The following KIAA0753 variants were observed in gnomAD, a reference collection of about 807,000 sequenced individuals.
The protein encoded by KIAA0753 is protein moonraker.
A neutral mutation model predicts 116.9 loss-of-function variants in KIAA0753; 114 were observed. The observed-to-expected ratio is 0.98, with a 90% CI of 0.84 to 1.14. The LOEUF is 1.14. Ranked by LOEUF, KIAA0753 falls within the 50% of genes most tolerant of loss-of-function variation. The pLI is 0.00. For missense variants in KIAA0753, 1,156 were observed against 1,172.4 expected (o/e 0.99, Z 0.20); for synonymous variants, 405 against 413.1 (o/e 0.98, Z 0.24).
intron 12 of KIAA0753, among the ~76,000 whole-genome samples, chr17:6,604,327 G>A (rs1376958849): frequency 4.0e-5 from 6 of 151,006 alleles, no homozygotes; most frequent in African/African-American, 1.5e-4. Context: ...CTGCAGCCTC[G>A]ACTTCCCAGG....
chr17:6,592,257 G>T (rs918836044), intron 16 of KIAA0753, among the ~76,000 whole-genome samples: 1 of 152,322 alleles, frequency 6.6e-6, no homozygotes. Flanking sequence ...AAATTTGAGA[G>T]GGGGAGTACT....
chr17:6,628,896 C>T (rs972259326), intron 2 of KIAA0753, among the ~76,000 whole-genome samples, 155 bp from the exon 3 acceptor site: 1 of 152,216 alleles, frequency 6.6e-6, no homozygotes, highest in Non-Finnish European at 1.5e-5. Context: ...CACGCTCCTA[C>T]ACCCTTGGGT....
chr17:6,603,001 C>A (rs1036787450), intron 12 of KIAA0753, among the ~76,000 whole-genome samples: 2 of 152,014 alleles, frequency 1.3e-5, no homozygotes, highest in Non-Finnish European at 1.5e-5. Context: ...GAAGGACAGG[C>A]GACCACTAAG....
chr17:6,609,954 A>T, intron 9 of KIAA0753, 40 bp downstream of exon 9: 1 of 1,602,470 alleles, frequency 6.2e-7, no homozygotes, highest in Non-Finnish European at 8.5e-7. Flanking sequence ...GAGGAAAAAG[A>T]GCATCACATA....
At chr17:6,633,451 G>GT (rs1412460016) in intron 2 of KIAA0753, among the ~76,000 whole-genome samples, 6 of 152,106 alleles carry the variant, frequency 3.9e-5, no homozygotes, top group African/African-American at 1.4e-4. Context: ...ATGTAAAACG[G>GT]TACCACCACT....
Position 6,620,886 on chromosome 17 carries a change from G to A in KIAA0753, c.1217C>T (p.Pro406Leu). Residue 406 changes from proline to leucine, a missense_variant, in exon 7 of 19, where the codon CCA becomes CTA. By Grantham distance (98) the Pro-to-Leu change is moderately conservative. Coordinates refer to ENST00000361413, the MANE Select transcript of KIAA0753 (RefSeq NM_014804.3). ...IGSQKALERW[P>L]STSPKGERRP... ...CCTCTCACCCTTTGGTGATGTACTT[G>A]GCCATCTCTCCAAGGCCTTTTGGCT... 1.2e-6 allele frequency: 2 copies of A among 1,614,112 alleles called. No individual in the cohort carries two copies. The highest frequency in any genetic ancestry group is 2.2e-5 in the South Asian group (2 of 91,080).
At position 6,588,508 on chromosome 17, in the gene KIAA0753, G is replaced by C. The variant is rs181103867; in HGVS notation, c.2786+1271C>G. On this transcript the variant is annotated intron_variant, in intron 18 of 18. Coordinates refer to ENST00000361413, the MANE Select transcript of KIAA0753 (RefSeq NM_014804.3). ...AAGGGGTCTCAGGAGAAAAAGTAAG[G>C]GTGGGGCCGATCACAGAGATTAACT... Among the ~76,000 whole-genome samples, 164 of 152,172 alleles carry C rather than the reference G, an allele frequency of 1.1e-3. 1 individual carries two copies. Among genetic ancestry groups the C allele is most frequent in the Non-Finnish European group, 3.7e-4 (25 of 68,024 alleles).
At chr17:6,628,872 C>G in intron 2 of KIAA0753, 131 bp from the exon 3 acceptor site, 14 of 827,138 alleles carry the variant, frequency 1.7e-5, no homozygotes, top group Non-Finnish European at 2.6e-5. Context: ...TTCTGTTTTA[C>G]TGATAGACAC....
intron 12 of KIAA0753, among the ~76,000 whole-genome samples, chr17:6,601,537 A>G (rs1004940642): frequency 1.5e-4 from 23 of 152,204 alleles, no homozygotes; most frequent in Admixed American, 1.1e-3. Flanking sequence ...AAAGACCAAC[A>G]TAAGTGTCCT....
At chr17:6,627,891 A>C (rs1458463897) in intron 3 of KIAA0753, among the ~76,000 whole-genome samples, 1 of 152,194 alleles carries the variant, frequency 6.6e-6, no homozygotes, top group Non-Finnish European at 1.5e-5. Context: ...GGGCAGCCAC[A>C]GTGAAGAAGT....
rs1431078326 is a variant in KIAA0753, at chr17:6,610,174, G to GT, written c.1546-15dup. ...TTTGCGGAGTCCCTGTGAGAGATAA[G>GT]TAAGAATTATAAGGCCACACAAATA... is the stretch of plus-strand genomic sequence containing the variant. On this transcript the variant is annotated splice_polypyrimidine_tract_variant and intron_variant, in intron 8 of 18. Transcript: ENST00000361413. The GT allele has an allele frequency of 6.2e-7, 1 of 1,613,532 alleles. No homozygotes were observed. The highest frequency in any genetic ancestry group is 8.5e-7 in the Non-Finnish European group (1 of 1,179,652).
intron 15 of KIAA0753, among the ~76,000 whole-genome samples, chr17:6,595,491 CA>C (rs569470065): frequency 5.4e-5 from 8 of 147,670 alleles, no homozygotes; most frequent in South Asian, 2.1e-4. Context: ...CTTTCAAATC[CA>C]AAAAAAAAAA....
intron 3 of KIAA0753, 37 bp from the exon 4 acceptor site, chr17:6,624,898 T>C (rs938422461): frequency 3.0e-6 from 4 of 1,317,264 alleles, no homozygotes; most frequent in Non-Finnish European, 4.3e-6. Flanking sequence ...AAGTGGATTA[T>C]AAACCATATA....
At chr17:6,623,407 A>G in intron 5 of KIAA0753, 102 bp downstream of exon 5, 1 of 930,706 alleles carries the variant, frequency 1.1e-6, no homozygotes, top group Non-Finnish European at 1.6e-6. Flanking sequence ...TTCTGCAAGT[A>G]CTGAAAATAA....
Position 6,596,429 on chromosome 17 carries a change from AATT to A in KIAA0753, c.2173-89_2173-87del, listed in dbSNP as rs567447749. 87 of 1,065,114 alleles carry A rather than the reference AATT, an allele frequency of 8.2e-5. 2 individuals are homozygous for A. In the African/African-American group the frequency reaches 1.2e-3, roughly 15 times the overall value. 66.0% of individuals were successfully genotyped at this position (1,065,114 alleles called of 1,614,324 possible). On this transcript the variant is annotated intron_variant, in intron 14 of 18. Coordinates refer to ENST00000361413, the MANE Select transcript of KIAA0753 (RefSeq NM_014804.3). ...TATAATGAAAACAGAAAAACATAAA[AATT>A]ATTGTTAATCATAATAAACCAACAG...
intron 16 of KIAA0753, 83 bp from the exon 17 acceptor site, chr17:6,590,713 G>A: frequency 2.0e-6 from 3 of 1,480,550 alleles, no homozygotes; most frequent in Non-Finnish European, 2.8e-6. Flanking sequence ...CCAAGAACCT[G>A]AGAGCAAGTT....
At chr17:6,594,488 T>A (rs1203113873) in intron 16 of KIAA0753, among the ~76,000 whole-genome samples, 1 of 152,226 alleles carries the variant, frequency 6.6e-6, no homozygotes, top group Non-Finnish European at 1.5e-5. Context: ...TATGACTGCA[T>A]TTATATGAAA....
intron 2 of KIAA0753, among the ~76,000 whole-genome samples, chr17:6,629,265 C>T (rs1971877382): frequency 6.6e-6 from 1 of 152,250 alleles, no homozygotes; most frequent in South Asian, 2.1e-4. Flanking sequence ...CTTTCTTACA[C>T]AGGCTCAAGT....
At position 6,589,012 on chromosome 17, in the gene KIAA0753, G is replaced by A. The variant is rs899644740; in HGVS notation, c.2786+767C>T. Among the ~76,000 whole-genome samples, 4 of 152,110 alleles carry A rather than the reference G, an allele frequency of 2.6e-5. No homozygotes were observed. In the East Asian group the frequency reaches 7.7e-4, roughly 29 times the overall value. On this transcript the variant is annotated intron_variant, in intron 18 of 18. Coordinates refer to ENST00000361413, the MANE Select transcript of KIAA0753 (RefSeq NM_014804.3). ...GCTGTTTCCTGCCCAGGAATATTTT[G>A]TGTTCTCTGATGGGACAACATTAGC...
Sources: gnomAD v4.1 joint callset for allele counts (sites outside exome capture counted in the v4.1 genomes callset) on GRCh38, gnomAD v4.1.1 for gene constraint, MANE v1.5 for transcripts, NCBI Gene and HGNC (gene_info 2026-07-23, HGNC 2026-07-21) for gene names.